The following FRMD4A variants were observed in gnomAD, a reference collection of about 807,000 sequenced individuals.
The protein encoded by FRMD4A is FERM domain containing 4A, also known as FERM domain-containing protein 4A.
A neutral mutation model predicts 129.1 loss-of-function variants in FRMD4A; 29 were observed. The observed-to-expected ratio is 0.22, with a 90% CI of 0.17 to 0.31. The LOEUF is 0.31. Among genes scored for constraint, FRMD4A ranks in the 10% least tolerant of loss-of-function variants. The pLI is 1.00. For missense variants in FRMD4A, 1,272 were observed against 1,375.8 expected (o/e 0.92, Z 1.19); for synonymous variants, 634 against 571.6 (o/e 1.11, Z -1.56).
At chr10:13,997,081 G>A (rs576430767) in intron 2 of FRMD4A, among the ~76,000 whole-genome samples, 2 of 152,254 alleles carry the variant, frequency 1.3e-5, no homozygotes, top group South Asian at 4.2e-4. Context: ...TAGGGGTAGA[G>A]TGCTGGCTTT....
At chr10:13,714,994 A>G (rs1045855569) in intron 12 of FRMD4A, among the ~76,000 whole-genome samples, 4 of 152,098 alleles carry the variant, frequency 2.6e-5, no homozygotes, top group African/African-American at 4.8e-5. Flanking sequence ...AGCGGAGATC[A>G]TGCCACTGCA....
intron 2 of FRMD4A, among the ~76,000 whole-genome samples, chr10:14,151,848 C>T (rs1340451269): frequency 2.0e-5 from 3 of 152,036 alleles, no homozygotes; most frequent in African/African-American, 7.2e-5. Context: ...GCAGCAGGCC[C>T]CTGTTCCCTT....
intron 2 of FRMD4A, among the ~76,000 whole-genome samples, chr10:14,170,052 G>A: frequency 6.6e-6 from 1 of 152,116 alleles, no homozygotes; most frequent in East Asian, 1.9e-4. Flanking sequence ...AAAGTTTCAA[G>A]CAGATGTCGA....
Position 13,994,175 on chromosome 10 carries a change from ATT to A in FRMD4A, c.46-135265_46-135264del, listed in dbSNP as rs549621959. Among the ~76,000 whole-genome samples the A allele has an allele frequency of 6.3e-3, 644 of 101,902 alleles. 5 individuals are homozygous for A. Among genetic ancestry groups the A allele is most frequent in the African/African-American group, 0.022 (514 of 23,144 alleles). 66.9% of individuals were successfully genotyped at this position (101,902 alleles called of 152,430 possible). On this transcript the variant is annotated intron_variant, in intron 2 of 24. Coordinates refer to ENST00000357447, the MANE Select transcript of FRMD4A (RefSeq NM_018027.5). The stretch of plus-strand genomic sequence containing the variant: ...AGGAGTGTGCCACCACGCCCAGCTA[ATT>A]TTTTTTTTTTTTTTTTTTTTTTTGA...
intron 2 of FRMD4A, among the ~76,000 whole-genome samples, chr10:14,309,574 G>A (rs1323496808): frequency 6.6e-6 from 1 of 152,158 alleles, no homozygotes; most frequent in African/African-American, 2.4e-5. Context: ...AAACTTCCAA[G>A]GCAGTTCTGG....
rs1843734661 is a variant in FRMD4A, at chr10:14,234,429, A to G, written c.45+95629T>C. On this transcript the variant is annotated intron_variant, in intron 2 of 24. Transcript: ENST00000357447. ...TTTCTCTTCTCCATTGGTCCCCTGG[A>G]TCTCAGAGGGATCCCGGGGTTGATG... is the stretch of plus-strand genomic sequence containing the variant. 3.3e-5 allele frequency among the ~76,000 whole-genome samples: 5 copies of G among 152,104 alleles called. No homozygotes were observed. The South Asian group carries it at 1.0e-3, about 32-fold the overall frequency.
chr10:14,307,664 A>G (rs895669331), intron 2 of FRMD4A, among the ~76,000 whole-genome samples: 20 of 152,098 alleles, frequency 1.3e-4, no homozygotes, highest in Non-Finnish European at 1.0e-4. Flanking sequence ...GAATAGTCCA[A>G]CTCCATTGGG....
chr10:13,896,210 A>G (rs1249471516), intron 2 of FRMD4A, among the ~76,000 whole-genome samples: 2 of 152,244 alleles, frequency 1.3e-5, no homozygotes, highest in African/African-American at 2.4e-5. Context: ...CTATAAAGAC[A>G]CATGCACATA....
At chr10:14,314,301 G>T (rs1027914212) in intron 2 of FRMD4A, among the ~76,000 whole-genome samples, 1 of 152,090 alleles carries the variant, frequency 6.6e-6, no homozygotes, top group Non-Finnish European at 1.5e-5. Flanking sequence ...CTCCATGGCT[G>T]GCACCAGTGA....
rs372293756 is a variant in FRMD4A, at chr10:14,030,317, T to C, written c.46-171405A>G. Among the ~76,000 whole-genome samples, 18 of 152,336 alleles carry C rather than the reference T, an allele frequency of 1.2e-4. 1 individual carries two copies. Among genetic ancestry groups the C allele is most frequent in the African/African-American group, 4.1e-4 (17 of 41,574 alleles). ...AGAAAATGGCAACTATATGAGGTGA[T>C]AGATACATTAATTAGCTTGATCCTG... On this transcript the variant is annotated intron_variant, in intron 2 of 24. Transcript: ENST00000357447.
chr10:13,674,889 G>T (rs774162197), intron 16 of FRMD4A, 22 bp downstream of exon 16: 2 of 1,612,402 alleles, frequency 1.2e-6, no homozygotes, highest in Middle Eastern at 1.7e-4. Context: ...AATTTCAACG[G>T]GATGAGCTAG....
chr10:14,173,539 C>G lies in FRMD4A; in HGVS notation c.45+156519G>C, dbSNP rs78085722. ...AACCTACTTTCTACAGAGAGGATTC[C>G]CTGGTCCTCCTGCTCTGAAGAAGAG... On this transcript the variant is annotated intron_variant, in intron 2 of 24. Transcript: ENST00000357447. Among the ~76,000 whole-genome samples the G allele has an allele frequency of 4.5e-3, 687 of 152,202 alleles. 6 individuals are homozygous for G. The highest frequency in any genetic ancestry group is 0.013 in the African/African-American group (556 of 41,532).
chr10:13,831,505 G>A (rs1300396685), intron 3 of FRMD4A, among the ~76,000 whole-genome samples: 2 of 152,198 alleles, frequency 1.3e-5, no homozygotes, highest in East Asian at 1.9e-4. Flanking sequence ...AGGCTTTGAA[G>A]TCACAGACTT....
At chr10:14,109,278 A>C (rs17154656) in intron 2 of FRMD4A, among the ~76,000 whole-genome samples, 20,276 of 151,746 alleles carry the variant, frequency 0.13, 2,603 homozygotes, top group African/African-American at 0.34. Context: ...TTGTACCCTG[A>C]AAAACCTGAG....
intron 2 of FRMD4A, among the ~76,000 whole-genome samples, chr10:14,114,558 AG>A (rs1202471465): frequency 1.3e-5 from 2 of 152,234 alleles, no homozygotes; most frequent in Admixed American, 1.3e-4. Flanking sequence ...AGACCCAAAA[AG>A]AGCAGAAAGG....
intron 2 of FRMD4A, among the ~76,000 whole-genome samples, chr10:14,244,883 C>T (rs1844178112): frequency 1.3e-5 from 2 of 152,196 alleles, no homozygotes; most frequent in East Asian, 1.9e-4. Context: ...TGAGTCATTT[C>T]CTGCCACCTC....
At chr10:13,849,424 T>C (rs1391757728) in intron 3 of FRMD4A, among the ~76,000 whole-genome samples, 1 of 151,668 alleles carries the variant, frequency 6.6e-6, no homozygotes, top group African/African-American at 2.4e-5. Flanking sequence ...ATTCTCTGCT[T>C]GGCAACATGC....
At chr10:13,695,817 C>T (rs1183159146) in intron 14 of FRMD4A, among the ~76,000 whole-genome samples, 1 of 152,172 alleles carries the variant, frequency 6.6e-6, no homozygotes, top group African/African-American at 2.4e-5. Context: ...CTGGATGCCC[C>T]GTGTACAGCC....
chr10:14,193,354 G>A (rs1268167966), intron 2 of FRMD4A, among the ~76,000 whole-genome samples: 2 of 152,012 alleles, frequency 1.3e-5, no homozygotes, highest in Admixed American at 6.6e-5. Flanking sequence ...AACACTTTCG[G>A]GTCCAGAGAC....
Sources: allele counts gnomAD v4.1 joint callset (sites outside exome capture counted in the v4.1 genomes callset), GRCh38; gene constraint gnomAD v4.1.1; transcripts MANE v1.5; gene names NCBI Gene and HGNC (gene_info 2026-07-23, HGNC 2026-07-21).